PRKG2: variants seen among roughly 807,000 people sequenced by gnomAD.
PRKG2 encodes the protein cGMP-dependent protein kinase 2.
PRKG2 carries 33 observed loss-of-function variants against 97.2 expected under a neutral mutation model. The observed-to-expected ratio is 0.34, with a 90% confidence interval of 0.26 to 0.45. The LOEUF is 0.45. PRKG2 is among the 20% of genes least tolerant of loss of function. The probability of loss-of-function intolerance (pLI) is 1.00; values close to 1 mark genes in which losing one functional copy is unlikely to be tolerated. For synonymous variants in PRKG2, 330 were observed against 321.8 expected, an observed-to-expected ratio of 1.03 and a Z score of -0.27; for missense variants, 638 against 900.0, an observed-to-expected ratio of 0.71 and a Z score of 3.73.
intron 17 of PRKG2, among the ~76,000 whole-genome samples, chr4:81,100,422 C>G (rs903938302): frequency 6.6e-6 from 1 of 152,152 alleles, no homozygotes; most frequent in Non-Finnish European, 1.5e-5. Flanking sequence ...CATCTACAAC[C>G]ATCTGATCTT....
chr4:81,153,530 T>A, intron 7 of PRKG2, 114 bp downstream of exon 7: 1 of 756,824 alleles, frequency 1.3e-6, no homozygotes, highest in South Asian at 1.9e-5. Context: ...TGGTAGAAGC[T>A]CCTTTATCTG....
chr4:81,169,896 C>G (rs1750314625), intron 4 of PRKG2, 128 bp from the exon 5 acceptor site: 1 of 566,048 alleles, frequency 1.8e-6, no homozygotes, highest in Non-Finnish European at 2.9e-6. Context: ...ATTATTTAAA[C>G]ATACAAATGA....
rs769496163 is a variant in PRKG2, at chr4:81,152,046, T to C, written c.999A>G (p.Val333=). Residue 333 remains valine, a synonymous_variant, in exon 8 of 19, where the codon GTA becomes GTG. Coordinates refer to ENST00000264399, the MANE Select transcript of PRKG2 (RefSeq NM_006259.3). ...GATCATGGCCTTCTGTGCTCTGTGTTACTTTTACCTAAACAATGTTAAGCA... is the reference window on the plus strand; with the variant it reads ...GATCATGGCCTTCTGTGCTCTGTGTCACTTTTACCTAAACAATGTTAAGCA... ...FFILAKGKVK[V]TQSTEGHDQP... 1.9e-5 allele frequency: 31 copies of C among 1,608,310 alleles called. No individual in the cohort carries two copies. In the Middle Eastern group the frequency reaches 5.0e-4, roughly 26 times the overall value.
intron 1 of PRKG2, among the ~76,000 whole-genome samples, chr4:81,213,334 G>A (rs1413536882): frequency 6.6e-6 from 1 of 152,108 alleles, no homozygotes; most frequent in East Asian, 1.9e-4. Flanking sequence ...TATTATTTGT[G>A]GGAGAAGAGG....
intron 14 of PRKG2, among the ~76,000 whole-genome samples, chr4:81,122,981 C>G (rs565487213): frequency 1.3e-5 from 2 of 152,198 alleles, no homozygotes; most frequent in Admixed American, 1.3e-4. Context: ...ATTTTTGCTA[C>G]TTGATGAAAC....
At chr4:81,156,489 T>G (rs1217245089) in intron 6 of PRKG2, among the ~76,000 whole-genome samples, 3 of 152,108 alleles carry the variant, frequency 2.0e-5, no homozygotes, top group Admixed American at 6.5e-5. Flanking sequence ...TGGGAGACTT[T>G]AACACCCCAC....
rs749308221 is a variant in PRKG2 at position 81,137,419 on chromosome 4, C to T, written c.1608G>A (p.Gly536=). The T allele has an allele frequency of 2.7e-5, 43 of 1,612,256 alleles. No individual in the cohort carries two copies. The Middle Eastern group carries it at 4.9e-4, about 18-fold the overall frequency. The change falls in exon 13 of 19, where the codon GGG becomes GGA. Residue 536 remains glycine (G), a synonymous_variant. Transcript: ENST00000264399. ...TGTCCCTTAATATACTCCAGAGCTC[C>T]CCACCTAAGCAGGCCTCCAGAAGCA... The part of the protein sequence containing the change: ...VYMLLEACLG[G]ELWSILRDRG...
intron 14 of PRKG2, among the ~76,000 whole-genome samples, chr4:81,124,602 G>A (rs981831660): frequency 2.0e-4 from 30 of 152,132 alleles, no homozygotes; most frequent in African/African-American, 7.0e-4. Context: ...AGGCCCACCT[G>A]GAGAAGAATT....
chr4:81,149,872 T>G (rs1748212901), intron 8 of PRKG2, among the ~76,000 whole-genome samples: 1 of 152,152 alleles, frequency 6.6e-6, no homozygotes, highest in African/African-American at 2.4e-5. Flanking sequence ...TTGCCTTCTC[T>G]TAGTAATGGG....
In PRKG2 at chr4:81,148,897, C is replaced by T. The variant is rs1748115468; in HGVS notation, c.1141G>A (p.Val381Ile). 1 of 1,613,708 alleles carries T rather than the reference C, an allele frequency of 6.2e-7. No individual in the cohort carries two copies. Residue 381 changes from valine (V) to isoleucine (I), a missense_variant, in exon 9 of 19, where the codon GTT (valine) becomes ATT (isoleucine). By Grantham distance (29) the Val-to-Ile change is conservative. Coordinates refer to ENST00000264399, the MANE Select transcript of PRKG2 (RefSeq NM_006259.3). ...CAGTATACTCACTCTCGATCTATAA[C>T]CAGGCATGCAACATCATTTTCTTCA... ...IAEENDVACL[V>I]IDRETFNQTV...
intron 14 of PRKG2, among the ~76,000 whole-genome samples, chr4:81,125,022 C>G (rs1745418076): frequency 6.6e-6 from 1 of 152,114 alleles, no homozygotes. Flanking sequence ...TTCTCCAACT[C>G]TTTTCATTTC....
In PRKG2 at chr4:81,137,449, T is replaced by G; in HGVS notation, c.1578A>C (p.Val526=). 6.2e-7 allele frequency: 1 copy of G among 1,612,540 alleles called. No individual in the cohort carries two copies. Among genetic ancestry groups the G allele is most frequent in the South Asian group, 1.1e-5 (1 of 91,050 alleles). The change falls in exon 13 of 19, where the codon GTA becomes GTC. Residue 526 remains valine, a synonymous_variant. Coordinates refer to ENST00000264399, the MANE Select transcript of PRKG2 (RefSeq NM_006259.3). ...CTAAGCAGGCCTCCAGAAGCATGTA[T>G]ACATACTTATTGTCCTTGAAAGTAC... The part of the protein sequence containing the change: ...LYRTFKDNKY[V]YMLLEACLGG...
chr4:81,153,809 T>A, intron 6 of PRKG2, 88 bp from the exon 7 acceptor site: 1 of 910,400 alleles, frequency 1.1e-6, no homozygotes, highest in Admixed American at 2.0e-5. Context: ...GCTCCCAGCG[T>A]GAGCGGCGCA....
intron 9 of PRKG2, among the ~76,000 whole-genome samples, chr4:81,144,856 C>T (rs1187187602): frequency 5.4e-5 from 8 of 147,738 alleles, no homozygotes; most frequent in African/African-American, 1.8e-4. Flanking sequence ...GAACATGCAG[C>T]GTTTGGTTTT....
chr4:81,171,350 T>A (rs1421337743), intron 4 of PRKG2, among the ~76,000 whole-genome samples: 1 of 152,178 alleles, frequency 6.6e-6, no homozygotes, highest in Non-Finnish European at 1.5e-5. Flanking sequence ...ATCTTGTTCC[T>A]TTTTATGGCT....
intron 13 of PRKG2, among the ~76,000 whole-genome samples, chr4:81,137,052 C>G (rs189439103): frequency 6.6e-6 from 1 of 152,024 alleles, no homozygotes; most frequent in Non-Finnish European, 1.5e-5. Context: ...CACTCCCCAC[C>G]CCCACCTTTG....
At chr4:81,192,351 C>T (rs769665302) in intron 2 of PRKG2, 17 of 152,096 alleles carry the variant, frequency 1.1e-4, no homozygotes, top group Non-Finnish European at 2.1e-4. Flanking sequence ...TTCCAAGGTG[C>T]TAGTAATGTT....
chr4:81,186,085 A>T (rs1751856936), intron 2 of PRKG2, among the ~76,000 whole-genome samples: 1 of 152,150 alleles, frequency 6.6e-6, no homozygotes, highest in South Asian at 2.1e-4. Context: ...AATAACAAGG[A>T]TATTCAGGAC....
Position 81,100,652 on chromosome 4 carries a change from G to A in PRKG2, c.2126+3718C>T, listed in dbSNP as rs187020735. Among the ~76,000 whole-genome samples, 318 of 152,094 alleles carry A rather than the reference G, an allele frequency of 2.1e-3. 1 individual carries two copies. The highest frequency in any genetic ancestry group is 3.4e-3 in the Non-Finnish European group (230 of 67,994). On this transcript the variant is annotated intron_variant, in intron 17 of 18. Transcript: ENST00000264399. ...AGGCAATACCATTCAGGACATAGGC[G>A]TGGGCAAGGACTTCATGTCTAAAAC...
Sources: gnomAD v4.1 joint callset for allele counts (sites outside exome capture counted in the v4.1 genomes callset) on GRCh38, gnomAD v4.1.1 for gene constraint, MANE v1.5 for transcripts, NCBI Gene and HGNC (gene_info 2026-07-23, HGNC 2026-07-21) for gene names.